Variants in GATAD1 observed in about 807,000 individuals in gnomAD.
GATAD1 encodes GATA zinc finger domain-containing protein 1.
GATAD1 carries 12 observed loss-of-function variants against 26.5 expected under a neutral mutation model. The observed-to-expected ratio is 0.45, with a 90% CI of 0.29 to 0.73. The LOEUF (loss-of-function observed/expected upper bound fraction) is 0.73, where lower values mean the gene tolerates loss of function less well. GATAD1 is among the 30% of genes least tolerant of loss of function. The pLI, the probability that GATAD1 is intolerant of heterozygous loss-of-function variation, is 0.10. For synonymous variants in GATAD1, 129 were observed against 133.1 expected (o/e 0.97, Z 0.21); for missense variants, 266 against 342.1 (o/e 0.78, Z 1.75).
At chr7:92,455,216 G>T (rs1585171914) in intron 4 of GATAD1, among the ~76,000 whole-genome samples, 1 of 152,288 alleles carries the variant, frequency 6.6e-6, no homozygotes. Flanking sequence ...TGTAGCTGGA[G>T]TGTGAGTGCT....
intron 3 of GATAD1, among the ~76,000 whole-genome samples, chr7:92,452,039 TG>T (rs1210992424): frequency 6.6e-6 from 1 of 152,240 alleles, no homozygotes; most frequent in African/African-American, 2.4e-5. Context: ...ACTACCTCAG[TG>T]GGTCAAATGA....
chr7:92,468,982 C>T, the GATAD1 span: 2 of 761,788 alleles, frequency 2.6e-6, no homozygotes, highest in Non-Finnish European at 2.4e-6. Flanking sequence ...GTTAAAGATA[C>T]AGGGTCCAAA....
Position 92,457,726 on chromosome 7 carries a change from A to G in GATAD1, c.*1164A>G, listed in dbSNP as rs1484762203. On this transcript the variant is annotated 3_prime_UTR_variant, in exon 5 of 5. Coordinates refer to ENST00000287957, the MANE Select transcript of GATAD1 (RefSeq NM_021167.5). ...TCAAATAAAATGACTAACAGCATCT[A>G]TCATAAAGCCACACAAGCCTTATGT... 3 of 152,274 alleles carry G rather than the reference A, an allele frequency of 2.0e-5. No individual in the cohort carries two copies. Among genetic ancestry groups the G allele is most frequent in the Non-Finnish European group, 2.9e-5 (2 of 68,050 alleles). The allele number at this position is 152,274 out of a possible 1,614,324, so 9.4% of individuals were successfully genotyped here.
rs1789740972 is a variant in GATAD1, at chr7:92,457,742, A to G, written c.*1180A>G. Reference sequence around the variant, plus strand: ...ACAGCATCTATCATAAAGCCACACAAGCCTTATGTTCTCATCTCAAAAATG... The same window carrying G: ...ACAGCATCTATCATAAAGCCACACAGGCCTTATGTTCTCATCTCAAAAATG... On this transcript the variant is annotated 3_prime_UTR_variant, in exon 5 of 5. Coordinates refer to ENST00000287957, the MANE Select transcript of GATAD1 (RefSeq NM_021167.5). 1 of 152,270 alleles carries G rather than the reference A, an allele frequency of 6.6e-6. No homozygotes were observed. Among genetic ancestry groups the G allele is most frequent in the African/African-American group, 2.4e-5 (1 of 41,474 alleles). The allele number at this position is 152,270 out of a possible 1,614,324, so 9.4% of individuals were successfully genotyped here.
the GATAD1 span, among the ~76,000 whole-genome samples, chr7:92,474,146 C>CT: frequency 7.9e-5 from 12 of 151,940 alleles, no homozygotes; most frequent in African/African-American, 2.2e-4. Context: ...AAGCGGTGGC[C>CT]TTTTTTTTAA....
chr7:92,468,855 T>A, the GATAD1 span: 1 of 764,454 alleles, frequency 1.3e-6, no homozygotes, highest in Non-Finnish European at 2.4e-6. Flanking sequence ...TAACATCAGA[T>A]CGTGGGCTAG....
downstream of GATAD1, among the ~76,000 whole-genome samples, chr7:92,463,388 T>C (rs2115916135): frequency 6.6e-6 from 1 of 152,288 alleles, no homozygotes; most frequent in African/African-American, 2.4e-5. Context: ...CAGTGGCTCA[T>C]GGCTGTAAAT....
chr7:92,465,893 C>T, the GATAD1 span, among the ~76,000 whole-genome samples: 1 of 151,970 alleles, frequency 6.6e-6, no homozygotes, highest in Non-Finnish European at 1.5e-5. Flanking sequence ...CCCAGTTACT[C>T]AGGAGGCTGA....
intron 1 of GATAD1, among the ~76,000 whole-genome samples, chr7:92,448,239 T>C (rs1351748880): frequency 6.6e-6 from 1 of 152,272 alleles, no homozygotes; most frequent in Non-Finnish European, 1.5e-5. Context: ...CACAGTCGTA[T>C]ACAGTGTCAT....
At chr7:92,454,295 A>G (rs1441385398) in intron 3 of GATAD1, 1 of 537,566 alleles carries the variant, frequency 1.9e-6, no homozygotes, top group Non-Finnish European at 3.3e-6. Context: ...ACTGTCATAT[A>G]TGCACCCTCG....
the GATAD1 span, among the ~76,000 whole-genome samples, chr7:92,476,207 C>T: frequency 6.6e-6 from 1 of 152,182 alleles, no homozygotes; most frequent in Non-Finnish European, 1.5e-5. Flanking sequence ...CAGAATAGCC[C>T]CATACTTTAA....
chr7:92,451,924 C>T (rs1413057393), intron 3 of GATAD1, among the ~76,000 whole-genome samples: 2 of 152,204 alleles, frequency 1.3e-5, no homozygotes, highest in East Asian at 1.9e-4. Context: ...AGAGCTTAAG[C>T]CTAGAGCATA....
chr7:92,453,365 G>T (rs1789522259), intron 3 of GATAD1, among the ~76,000 whole-genome samples: 1 of 152,176 alleles, frequency 6.6e-6, no homozygotes, highest in Non-Finnish European at 1.5e-5. Flanking sequence ...GGTGTTCAGA[G>T]GAGAGATTAT....
the GATAD1 span, chr7:92,493,201 T>C: frequency 1.7e-5 from 15 of 890,354 alleles, no homozygotes; most frequent in Admixed American, 1.4e-4. Flanking sequence ...GTGTATCTTA[T>C]GATTTTCTTC....
At chr7:92,474,951 G>A in the GATAD1 span, 4 of 152,038 alleles carry the variant, frequency 2.6e-5, no homozygotes, top group African/African-American at 7.2e-5. Flanking sequence ...TCTCCTTTTG[G>A]ACCATTTGGG....
rs78009265 is a variant in GATAD1, at chr7:92,459,730, A to G, written c.*3168A>G. On this transcript the variant is annotated 3_prime_UTR_variant, in exon 5 of 5. Coordinates refer to ENST00000287957, the MANE Select transcript of GATAD1 (RefSeq NM_021167.5). ...TTCTACTTCCATCATCCTCACTCCT[A>G]TCCCTTTGGTCCTGGGATGACAGGG... Among the ~76,000 whole-genome samples, 6,472 of 152,180 alleles carry G rather than the reference A, an allele frequency of 0.043. 171 individuals carry two copies. Among genetic ancestry groups the G allele is most frequent in the African/African-American group, 0.06 (2,477 of 41,516 alleles).
rs1406817011 is a variant in GATAD1, at chr7:92,457,994, G to A, written c.*1432G>A. On this transcript the variant is annotated 3_prime_UTR_variant, in exon 5 of 5. Transcript: ENST00000287957. The stretch of plus-strand genomic sequence containing the variant: ...TCTACTAAATATACAAAAATTAGTT[G>A]GGTGTTATGGTGCATGCCTGTAATC... The A allele has an allele frequency of 1.3e-5, 2 of 152,134 alleles. No homozygotes were observed. Among genetic ancestry groups the A allele is most frequent in the Admixed American group, 6.5e-5 (1 of 15,272 alleles). 9.4% of individuals were successfully genotyped at this position (152,134 alleles called of 1,614,324 possible). A position where few individuals can be genotyped will look rare whatever the true frequency, so the allele number is the denominator to read the frequency against.
At chr7:92,474,500 G>C in the GATAD1 span, 1 of 152,206 alleles carries the variant, frequency 6.6e-6, no homozygotes, top group Non-Finnish European at 1.5e-5. Flanking sequence ...GTTAGCAAAT[G>C]TCTGCAGCAC....
the GATAD1 span, among the ~76,000 whole-genome samples, chr7:92,479,072 G>C: frequency 1.6e-3 from 247 of 152,270 alleles, no homozygotes; most frequent in African/African-American, 5.8e-3. Flanking sequence ...ACTGCACATG[G>C]GGTTTCCTTC....
Sources: gnomAD v4.1 joint callset for allele counts (sites outside exome capture counted in the v4.1 genomes callset) on GRCh38, gnomAD v4.1.1 for gene constraint, MANE v1.5 for transcripts, NCBI Gene and HGNC (gene_info 2026-07-23, HGNC 2026-07-21) for gene names.